The following ZNF521 variants were observed in gnomAD, a reference collection of about 807,000 sequenced individuals.
ZNF521 encodes the protein zinc finger protein 521, also known as LYST-interacting protein 3.
ZNF521 carries 14 observed loss-of-function variants against 105.5 expected under a neutral mutation model. The observed-to-expected ratio is 0.13, with a 90% CI of 0.09 to 0.21. The LOEUF (loss-of-function observed/expected upper bound fraction) is 0.21. ZNF521 is among the 10% of genes least tolerant of loss of function. ZNF521 has a pLI of 1.00. For missense variants in ZNF521, 1,233 were observed against 1,629.7 expected (o/e 0.76, Z 4.19); for synonymous variants, 635 against 606.0 (o/e 1.05, Z -0.70).
At chr18:25,215,126 T>A (rs369104784) in intron 4 of ZNF521, among the ~76,000 whole-genome samples, 1 of 152,192 alleles carries the variant, frequency 6.6e-6, no homozygotes, top group Non-Finnish European at 1.5e-5. Flanking sequence ...TTTGCTTATT[T>A]GTATGGGATA....
chr18:25,135,400 TTTTCCTTTTTGTTTGG>T (rs1328600680), intron 5 of ZNF521, among the ~76,000 whole-genome samples: 1 of 152,026 alleles, frequency 6.6e-6, no homozygotes, highest in Non-Finnish European at 1.5e-5. Flanking sequence ...ATAATGTTTC[TTTTCCTTTTTGTTTGG>T]GTTGGAAGGA....
In ZNF521 at chr18:25,139,051, G is replaced by A. The variant is rs142485105; in HGVS notation, c.3659-46970C>T. 1.1e-3 allele frequency among the ~76,000 whole-genome samples: 166 copies of A among 152,194 alleles called. 3 individuals carry two copies. The highest frequency in any genetic ancestry group is 2.0e-3 in the Non-Finnish European group (135 of 67,994). The stretch of plus-strand genomic sequence containing the variant: ...ATGCCTGTTGGGTTGTTGAGTAAGC[G>A]TTCCATGTGCCTCCACCAAGTTAGT... On this transcript the variant is annotated intron_variant, in intron 5 of 7. Transcript: ENST00000361524.
intron 4 of ZNF521, among the ~76,000 whole-genome samples, chr18:25,197,367 T>A (rs1043116809): frequency 2.6e-5 from 4 of 151,856 alleles, no homozygotes; most frequent in Non-Finnish European, 5.9e-5. Context: ...ATTTCCCAAA[T>A]ACAAAGCAAT....
chr18:25,335,740 CT>C (rs1317982898), intron 2 of ZNF521, among the ~76,000 whole-genome samples: 3 of 152,274 alleles, frequency 2.0e-5, no homozygotes, highest in Non-Finnish European at 4.4e-5. Flanking sequence ...AGGTTTTAGA[CT>C]TTGTCGGTAT....
At chr18:25,231,191 T>A (rs552190204) in intron 3 of ZNF521, among the ~76,000 whole-genome samples, 1 of 152,318 alleles carries the variant, frequency 6.6e-6, no homozygotes, top group South Asian at 2.1e-4. Context: ...CCTGTCTTTG[T>A]TAGCCAGCCA....
At chr18:25,246,301 G>A (rs1907716118) in intron 3 of ZNF521, among the ~76,000 whole-genome samples, 1 of 152,044 alleles carries the variant, frequency 6.6e-6, no homozygotes, top group African/African-American at 2.4e-5. Flanking sequence ...CTATAAATGA[G>A]TTTGTTGCTC....
rs760155457 is a variant in ZNF521 at position 25,224,868 on chromosome 18, A to C, written c.3050T>G (p.Leu1017Arg). 69 of 1,613,936 alleles carry C rather than the reference A, an allele frequency of 4.3e-5. No individual in the cohort carries two copies. Among genetic ancestry groups the C allele is most frequent in the Non-Finnish European group, 4.7e-5 (55 of 1,180,030 alleles). The change falls in exon 4 of 8, where the codon CTG (leucine) becomes CGG (arginine). Residue 1017 changes from leucine (L) to arginine (R), a missense_variant. By Grantham distance (102) the Leu-to-Arg change is moderately radical. This residue lies in a region of ZNF521 where 614 missense variants were observed against 751.5 expected (regional missense o/e 0.82). Coordinates refer to ENST00000361524, the MANE Select transcript of ZNF521 (RefSeq NM_015461.3). The stretch of plus-strand genomic sequence containing the variant: ...GCACACCACGCAGCGAAAGCCTGTC[A>C]GGGAATTCCTCAAGTCAGGGTGCAT... ...CQMHPDLRNS[L>R]TGFRCVVCMQ...
At chr18:25,239,919 A>G (rs1907189960) in intron 3 of ZNF521, among the ~76,000 whole-genome samples, 1 of 151,636 alleles carries the variant, frequency 6.6e-6, no homozygotes, top group African/African-American at 2.4e-5. Context: ...AGCAGTTAAC[A>G]TATTTTCTCT....
rs753646585 is a variant in ZNF521 at position 25,227,296 on chromosome 18, G to A, written c.622C>T (p.Arg208Cys). 11 of 1,613,998 alleles carry A rather than the reference G, an allele frequency of 6.8e-6. No homozygotes were observed. The highest frequency in any genetic ancestry group is 2.2e-5 in the East Asian group (1 of 44,884). ...SNKPYKCAIC[R>C]RGFLSSSSLH... ...GAACTAGAGGACAGAAACCCACGGC[G>A]ACAAATGGCACATTTATATGGCTTG... Residue 208 changes from arginine (R) to cysteine (C), a missense_variant, in exon 4 of 8, where the codon CGC becomes TGC. Around this residue, in one of 6 missense-constraint regions of ZNF521, gnomAD observed 380 missense variants for 478.0 expected, o/e 0.80. Coordinates refer to ENST00000361524, the MANE Select transcript of ZNF521 (RefSeq NM_015461.3). This position sits in a 1 kb window ranked among gnomAD's most constrained non-coding sequence, Gnocchi z 5.7.
chr18:25,143,170 T>TA (rs1164858336), intron 5 of ZNF521, among the ~76,000 whole-genome samples: 2 of 152,202 alleles, frequency 1.3e-5, no homozygotes, highest in Admixed American at 6.6e-5. Flanking sequence ...CTCTTTTTTT[T>TA]AGCATTTTGA....
At chr18:25,145,646 C>T (rs2034928844) in intron 5 of ZNF521, among the ~76,000 whole-genome samples, 1 of 152,098 alleles carries the variant, frequency 6.6e-6, no homozygotes, top group Admixed American at 6.6e-5. Flanking sequence ...TATTGTGATG[C>T]CCAACAACCT....
chr18:25,116,228 A>G (rs2034298899), intron 5 of ZNF521, among the ~76,000 whole-genome samples: 1 of 152,112 alleles, frequency 6.6e-6, no homozygotes, highest in African/African-American at 2.4e-5. Flanking sequence ...GATCAGGGGC[A>G]ATCTGAACTG....
intron 3 of ZNF521, among the ~76,000 whole-genome samples, chr18:25,320,266 G>C (rs1031785699): frequency 1.3e-5 from 2 of 152,028 alleles, no homozygotes; most frequent in African/African-American, 2.4e-5. Context: ...TCTGCCTCCC[G>C]GGTTCAAGCA....
At chr18:25,115,298 C>T (rs913846521) in intron 5 of ZNF521, among the ~76,000 whole-genome samples, 2 of 152,168 alleles carry the variant, frequency 1.3e-5, no homozygotes, top group Non-Finnish European at 2.9e-5. Context: ...CTAAATAATA[C>T]GATCATGGCA....
intron 5 of ZNF521, among the ~76,000 whole-genome samples, chr18:25,144,926 G>A (rs908336935): frequency 1.3e-5 from 2 of 152,086 alleles, no homozygotes; most frequent in Non-Finnish European, 2.9e-5. Flanking sequence ...ACAAAACTCA[G>A]TTATCCCACA....
At chr18:25,307,321 C>T (rs1912037557) in intron 3 of ZNF521, among the ~76,000 whole-genome samples, 1 of 152,198 alleles carries the variant, frequency 6.6e-6, no homozygotes, top group African/African-American at 2.4e-5. Context: ...CTGCCTAAAA[C>T]AGTAATTATT....
chr18:25,166,897 T>C (rs1271384152), intron 5 of ZNF521, among the ~76,000 whole-genome samples: 1 of 152,218 alleles, frequency 6.6e-6, no homozygotes, highest in Non-Finnish European at 1.5e-5. Flanking sequence ...TTGTTGAAGA[T>C]ATGGATTAAC....
intron 2 of ZNF521, among the ~76,000 whole-genome samples, chr18:25,342,489 A>C (rs79156801): frequency 7.3e-6 from 1 of 137,662 alleles, no homozygotes; most frequent in Non-Finnish European, 1.6e-5. Flanking sequence ...AGTGCAGTGG[A>C]GCCATCTTGG....
intron 3 of ZNF521, among the ~76,000 whole-genome samples, chr18:25,308,648 A>ACCCCCCCCCCCCCCCCCCCCCCCCC (rs764455271): frequency 8.6e-6 from 1 of 116,302 alleles, no homozygotes; most frequent in African/African-American, 3.1e-5. Context: ...CCTTAATGAC[A>ACCCCCCCCCCCCCCCCCCCCCCCCC]TCCCCCCCCC....
Sources: gnomAD v4.1 joint callset for allele counts (sites outside exome capture counted in the v4.1 genomes callset) on GRCh38, gnomAD v4.1.1 for gene constraint, gnomAD v4.1.1 regional missense constraint, Gnocchi (gnomAD v3.1) non-coding constraint, MANE v1.5 for transcripts, NCBI Gene and HGNC (gene_info 2026-07-23, HGNC 2026-07-21) for gene names.